The following CSMD1 variants were observed in gnomAD, a reference collection of about 807,000 sequenced individuals.
CSMD1 encodes CUB and Sushi multiple domains 1, also known as CUB and sushi domain-containing protein 1.
In CSMD1, 213 loss-of-function variants were observed where a neutral mutation model predicts 417.5. The ratio of observed to expected loss-of-function variants is 0.51; its 90% confidence interval spans 0.46 to 0.57. CSMD1 has a LOEUF of 0.57. Ranked by LOEUF, CSMD1 falls within the 20% of genes least tolerant of loss-of-function variation. CSMD1 has a pLI of 0.00. For synonymous variants in CSMD1, 2,862 were observed against 1,736.8 expected (o/e 1.65, Z -16.11); for missense variants, 6,923 against 4,529.7 (o/e 1.53, Z -15.17).
At chr8:4,850,501 G>T (rs1228553773) in intron 1 of CSMD1, among the ~76,000 whole-genome samples, 6 of 147,720 alleles carry the variant, frequency 4.1e-5, no homozygotes, top group African/African-American at 7.5e-5. Flanking sequence ...GCAAACATTG[G>T]TTATTTTCCA....
At chr8:4,133,395 T>C (rs1563166562) in intron 3 of CSMD1, among the ~76,000 whole-genome samples, 2 of 152,326 alleles carry the variant, frequency 1.3e-5, no homozygotes, top group South Asian at 2.1e-4. Flanking sequence ...CATATATACC[T>C]TCACACCTCT....
chr8:3,835,095 T>C (rs996676270), intron 5 of CSMD1, among the ~76,000 whole-genome samples: 5 of 148,606 alleles, frequency 3.4e-5, no homozygotes, highest in Non-Finnish European at 5.9e-5. Context: ...TGTAGAGAAA[T>C]AGGAACACTT....
intron 4 of CSMD1, among the ~76,000 whole-genome samples, chr8:4,012,808 G>T (rs558309723): frequency 6.6e-6 from 1 of 152,016 alleles, no homozygotes; most frequent in Non-Finnish European, 1.5e-5. Flanking sequence ...CTCAATAAAC[G>T]GTAACTCCAT....
At chr8:4,387,493 A>G (rs1326459714) in intron 3 of CSMD1, among the ~76,000 whole-genome samples, 10 of 148,718 alleles carry the variant, frequency 6.7e-5, no homozygotes, top group Non-Finnish European at 8.9e-5. Context: ...TCATACTTGC[A>G]TAATTGTTCA....
rs544633083 is a variant in CSMD1, at chr8:3,354,380, C to G, written c.3304+4772G>C. Among the ~76,000 whole-genome samples the G allele has an allele frequency of 1.3e-4, 20 of 152,176 alleles. No homozygotes were observed. In the South Asian group the frequency reaches 3.9e-3, roughly 30 times the overall value. On this transcript the variant is annotated intron_variant, in intron 21 of 69. Transcript: ENST00000635120. ...TGAGGGCACTGTGAAATTGGGAAAA[C>G]TATTAATATGCAGATCTCTATGTTT...
intron 10 of CSMD1, among the ~76,000 whole-genome samples, chr8:3,560,096 G>C (rs1037437352): frequency 6.6e-6 from 1 of 152,134 alleles, no homozygotes; most frequent in Non-Finnish European, 1.5e-5. Flanking sequence ...GACACCCAGA[G>C]ATTCCAGGAC....
intron 3 of CSMD1, among the ~76,000 whole-genome samples, chr8:4,117,187 T>C (rs968653694): frequency 6.6e-6 from 1 of 151,952 alleles, no homozygotes; most frequent in Non-Finnish European, 1.5e-5. Context: ...TTCATCTCGA[T>C]GGTTGCTGGA....
intron 5 of CSMD1, among the ~76,000 whole-genome samples, chr8:3,823,389 T>C (rs943363319): frequency 5.1e-4 from 77 of 152,308 alleles, no homozygotes; most frequent in African/African-American, 1.6e-3. Context: ...AGTTAAATAC[T>C]GTTAGATTTC....
rs1563361299 is a variant in CSMD1 at position 3,411,804 on chromosome 8, A to ACGTGTATATGTATATATG, written c.1562-2200_1562-2199insCATATATACATATACACG. 4.2e-4 allele frequency among the ~76,000 whole-genome samples: 53 copies of ACGTGTATATGTATATATG among 125,208 alleles called. 1 individual carries two copies. Among genetic ancestry groups the ACGTGTATATGTATATATG allele is most frequent in the African/African-American group, 1.1e-3 (38 of 33,260 alleles). The allele number at this position is 125,208 out of a possible 152,430, so 82.1% of individuals were successfully genotyped here. ...TACCTGTATATATACACGTATATAT[A>ACGTGTATATGTATATATG]CACGTATATATACGTGTATATGTAT... On this transcript the variant is annotated intron_variant, in intron 12 of 69. Transcript: ENST00000635120.
At chr8:3,054,155 G>C (rs962976743) in intron 49 of CSMD1, among the ~76,000 whole-genome samples, 1 of 152,100 alleles carries the variant, frequency 6.6e-6, no homozygotes, top group Non-Finnish European at 1.5e-5. Flanking sequence ...GGAGTTCCTT[G>C]GTTTGCTGTA....
intron 3 of CSMD1, among the ~76,000 whole-genome samples, chr8:4,353,601 A>G (rs1801223887): frequency 2.6e-5 from 4 of 152,208 alleles, no homozygotes. Flanking sequence ...AAGCACATGC[A>G]TAAGGCAACT....
At chr8:3,806,232 G>C (rs1473511733) in intron 5 of CSMD1, among the ~76,000 whole-genome samples, 1 of 152,094 alleles carries the variant, frequency 6.6e-6, no homozygotes. Flanking sequence ...TCAGATTATG[G>C]AGTACATGCA....
chr8:4,386,485 A>G (rs1803464327), intron 3 of CSMD1, among the ~76,000 whole-genome samples: 1 of 152,228 alleles, frequency 6.6e-6, no homozygotes, highest in Non-Finnish European at 1.5e-5. Context: ...CTTATCTCCC[A>G]GTCTCCAATA....
chr8:3,442,194 A>T (rs576228079), intron 12 of CSMD1, among the ~76,000 whole-genome samples: 53 of 150,506 alleles, frequency 3.5e-4, no homozygotes, highest in Admixed American at 2.0e-3. Context: ...AAAAAATTTT[A>T]AAAAATGAAA....
intron 1 of CSMD1, among the ~76,000 whole-genome samples, chr8:4,811,959 A>G (rs1387429436): frequency 3.3e-5 from 5 of 152,214 alleles, no homozygotes; most frequent in Non-Finnish European, 7.3e-5. Context: ...TCATAGAAAT[A>G]CATGCTGGTT....
intron 41 of CSMD1, among the ~76,000 whole-genome samples, chr8:3,121,313 T>C (rs1563064312): frequency 6.6e-6 from 1 of 152,214 alleles, no homozygotes; most frequent in Non-Finnish European, 1.5e-5. Flanking sequence ...TTAATTATTT[T>C]CATTTATGCA....
At chr8:3,006,569 G>A (rs1472363007) in intron 52 of CSMD1, among the ~76,000 whole-genome samples, 22 of 151,256 alleles carry the variant, frequency 1.5e-4, no homozygotes, top group East Asian at 7.8e-4. Flanking sequence ...TGGTACCAAA[G>A]CAGAGATATA....
In CSMD1 at chr8:4,187,671, C is replaced by T. The variant is rs553337044; in HGVS notation, c.416-155572G>A. The stretch of plus-strand genomic sequence containing the variant: ...AGCCTGGGCAACAAGAGTGAAACTC[C>T]GTCTCAAAAAAAAAAAAAAAAAAGC... On this transcript the variant is annotated intron_variant, in intron 3 of 69. Transcript: ENST00000635120. Among the ~76,000 whole-genome samples, 11 of 38,584 alleles carry T rather than the reference C, an allele frequency of 2.9e-4. No homozygotes were observed. In the South Asian group the frequency reaches 4.5e-3, roughly 16 times the overall value. 25.3% of individuals were successfully genotyped at this position (38,584 alleles called of 152,430 possible).
intron 2 of CSMD1, among the ~76,000 whole-genome samples, chr8:4,635,260 T>A (rs998636293): frequency 2.0e-5 from 3 of 152,190 alleles, no homozygotes; most frequent in African/African-American, 7.2e-5. Context: ...GAGGCACAGG[T>A]ATCAATTTAT....
Sources: gnomAD v4.1 joint callset for allele counts (sites outside exome capture counted in the v4.1 genomes callset) on GRCh38, gnomAD v4.1.1 for gene constraint, MANE v1.5 for transcripts, NCBI Gene and HGNC (gene_info 2026-07-23, HGNC 2026-07-21) for gene names.